RANBP2: variants seen among roughly 807,000 people sequenced by gnomAD.
RANBP2 encodes RAN binding protein 2.
In RANBP2, 57 loss-of-function variants were observed where a neutral mutation model predicts 303.6. That is an observed-to-expected ratio of 0.19 (90% CI 0.15 to 0.23). The LOEUF (loss-of-function observed/expected upper bound fraction) is 0.23, where lower values mean the gene tolerates loss of function less well. Among genes scored for constraint, RANBP2 ranks in the 10% least tolerant of loss-of-function variants. The pLI is 1.00. For synonymous variants in RANBP2, 1,167 were observed against 1,301.5 expected, an observed-to-expected ratio of 0.90 and a Z score of 2.23; for missense variants, 3,138 against 3,780.8, an observed-to-expected ratio of 0.83 and a Z score of 4.46.
At chr2:109,130,672 C>T in the RANBP2 span, among the ~76,000 whole-genome samples, 3 of 152,154 alleles carry the variant, frequency 2.0e-5, no homozygotes, top group Non-Finnish European at 2.9e-5. Context: ...AGCCTTTTGA[C>T]CCAGCCCTTT....
chr2:109,475,100 C>G, the RANBP2 span, among the ~76,000 whole-genome samples: 1 of 152,174 alleles, frequency 6.6e-6, no homozygotes, highest in Admixed American at 6.5e-5. Context: ...GCCTCAGCCT[C>G]TTGAGTGGCT....
the RANBP2 span, among the ~76,000 whole-genome samples, chr2:109,037,238 C>T: frequency 6.7e-6 from 1 of 150,112 alleles, no homozygotes; most frequent in Non-Finnish European, 1.5e-5. Flanking sequence ...GCAGGAGGAT[C>T]ACCTGATCCT....
chr2:108,856,844 G>C, the RANBP2 span: 1 of 1,613,480 alleles, frequency 6.2e-7, no homozygotes. Flanking sequence ...CTTGAAGACA[G>C]AAGAAGGAAA....
chr2:109,507,413 T>G, the RANBP2 span, among the ~76,000 whole-genome samples: 9 of 152,192 alleles, frequency 5.9e-5, no homozygotes, highest in African/African-American at 2.2e-4. Context: ...CACATTCAGC[T>G]GACCACAAGG....
At chr2:109,187,582 A>G in the RANBP2 span, among the ~76,000 whole-genome samples, 1 of 152,228 alleles carries the variant, frequency 6.6e-6, no homozygotes, top group Non-Finnish European at 1.5e-5. Flanking sequence ...CATGCTGCAC[A>G]GCTTTATAGG....
chr2:108,752,183 C>T (rs1448667513), intron 12 of RANBP2, among the ~76,000 whole-genome samples, 189 bp downstream of exon 12: 2 of 151,758 alleles, frequency 1.3e-5, no homozygotes, highest in Non-Finnish European at 2.9e-5. Context: ...GCCTGGCACA[C>T]AGTGAATGTT....
the RANBP2 span, among the ~76,000 whole-genome samples, chr2:109,249,851 A>G: frequency 4.0e-5 from 6 of 150,854 alleles, no homozygotes; most frequent in Admixed American, 3.3e-4. Flanking sequence ...TTATTTTTTA[A>G]TTTTTTTATT....
chr2:108,856,878 C>G, the RANBP2 span: 1 of 1,612,788 alleles, frequency 6.2e-7, no homozygotes, highest in African/African-American at 1.3e-5. Flanking sequence ...GAGTATCAGG[C>G]TGTTCCAGTA....
At chr2:109,102,251 C>A in the RANBP2 span, among the ~76,000 whole-genome samples, 1 of 152,024 alleles carries the variant, frequency 6.6e-6, no homozygotes, top group African/African-American at 2.4e-5. Context: ...CAGGCGCCTG[C>A]CACCATGCCT....
the RANBP2 span, chr2:109,129,224 G>A: frequency 3.7e-6 from 2 of 544,376 alleles, no homozygotes; most frequent in Non-Finnish European, 6.7e-6. Flanking sequence ...GTTGAGCTTC[G>A]TGCCCGGCAG....
At chr2:109,288,449 G>T in the RANBP2 span, among the ~76,000 whole-genome samples, 2 of 152,180 alleles carry the variant, frequency 1.3e-5, no homozygotes, top group African/African-American at 4.8e-5. Flanking sequence ...GATAAAGCCA[G>T]AAAGTATGAG....
At chr2:109,029,163 G>A in the RANBP2 span, among the ~76,000 whole-genome samples, 40 of 151,628 alleles carry the variant, frequency 2.6e-4, no homozygotes, top group African/African-American at 9.8e-4. Context: ...AAATAAATAA[G>A]GTTTAAGGCA....
the RANBP2 span, chr2:109,615,671 G>A: frequency 6.2e-7 from 1 of 1,614,142 alleles, no homozygotes; most frequent in Non-Finnish European, 8.5e-7. Flanking sequence ...AGAACCTGGT[G>A]GGAGCCCTGG....
chr2:109,593,893 C>T, the RANBP2 span, among the ~76,000 whole-genome samples: 2 of 152,148 alleles, frequency 1.3e-5, no homozygotes, highest in Non-Finnish European at 2.9e-5. Flanking sequence ...TCATATTACA[C>T]GTCCATATCA....
At chr2:109,611,363 A>G in the RANBP2 span, among the ~76,000 whole-genome samples, 1 of 152,222 alleles carries the variant, frequency 6.6e-6, no homozygotes, top group Non-Finnish European at 1.5e-5. Flanking sequence ...TTTGCTTTGC[A>G]AAAGACCCTG....
At chr2:109,410,620 T>C in the RANBP2 span, among the ~76,000 whole-genome samples, 3 of 152,254 alleles carry the variant, frequency 2.0e-5, no homozygotes, top group African/African-American at 7.2e-5. Context: ...GGAGTTGTTC[T>C]GTAGGGTCAG....
the RANBP2 span, among the ~76,000 whole-genome samples, chr2:109,386,758 AG>A: frequency 6.6e-6 from 1 of 152,212 alleles, no homozygotes; most frequent in Non-Finnish European, 1.5e-5. Flanking sequence ...AAACTGCCCA[AG>A]GAAGAGGAAA....
chr2:109,055,342 C>CT, the RANBP2 span, among the ~76,000 whole-genome samples: 1 of 145,224 alleles, frequency 6.9e-6, no homozygotes, highest in African/African-American at 2.5e-5. Flanking sequence ...GTGTATATGT[C>CT]TTGCCTTTTC....
At chr2:109,285,652 C>G in the RANBP2 span, among the ~76,000 whole-genome samples, 2 of 152,196 alleles carry the variant, frequency 1.3e-5, no homozygotes, top group African/African-American at 4.8e-5. Context: ...TGTCAGTCCT[C>G]TCTGAGTGTC....
Sources: gnomAD v4.1 joint callset for allele counts (sites outside exome capture counted in the v4.1 genomes callset) on GRCh38, gnomAD v4.1.1 for gene constraint, MANE v1.5 for transcripts, NCBI Gene and HGNC (gene_info 2026-07-23, HGNC 2026-07-21) for gene names.